CREB3L2: variants seen among roughly 807,000 people sequenced by gnomAD.
The protein encoded by CREB3L2 is cAMP responsive element binding protein 3 like 2, also known as cyclic AMP-responsive element-binding protein 3-like protein 2.
Under a neutral mutation model 57.2 loss-of-function variants are expected in CREB3L2, and 23 were observed. That is an observed-to-expected ratio of 0.40 (90% CI 0.29 to 0.57). The LOEUF (loss-of-function observed/expected upper bound fraction) is 0.57. CREB3L2 is among the 20% of genes least tolerant of loss of function. CREB3L2 has a pLI of 0.42. For synonymous variants in CREB3L2, 268 were observed against 265.1 expected, an observed-to-expected ratio of 1.01 and a Z score of -0.11; for missense variants, 628 against 634.7, an observed-to-expected ratio of 0.99 and a Z score of 0.11.
chr7:137,932,933 C>T (rs1389153754), intron 1 of CREB3L2, among the ~76,000 whole-genome samples: 1 of 152,238 alleles, frequency 6.6e-6, no homozygotes, highest in Admixed American at 6.5e-5. Context: ...GCTTCTGACT[C>T]ACAGGTCTAA....
intron 1 of CREB3L2, among the ~76,000 whole-genome samples, chr7:137,934,152 A>T (rs372573010): frequency 7.2e-5 from 11 of 152,176 alleles, no homozygotes; most frequent in African/African-American, 2.7e-4. Context: ...CTCACTCAAT[A>T]CTCACGACAA....
At chr7:137,927,457 G>A (rs1800498962) in intron 2 of CREB3L2, among the ~76,000 whole-genome samples, 1 of 150,436 alleles carries the variant, frequency 6.6e-6, no homozygotes, top group South Asian at 2.1e-4. Context: ...GGAAGGGAGA[G>A]AGAAAAAGAA....
At chr7:137,892,940 A>C (rs1026508132) in intron 8 of CREB3L2, among the ~76,000 whole-genome samples, 1 of 152,194 alleles carries the variant, frequency 6.6e-6, no homozygotes, top group Non-Finnish European at 1.5e-5. Flanking sequence ...TCTCAAAGAC[A>C]TTTAAATACT....
chr7:137,987,270 TAC>T (rs1801808305), intron 1 of CREB3L2, among the ~76,000 whole-genome samples: 1 of 152,216 alleles, frequency 6.6e-6, no homozygotes, highest in Non-Finnish European at 1.5e-5. Flanking sequence ...GGATAACATC[TAC>T]TGCCTAAGTC....
At chr7:137,968,159 C>T (rs555646309) in intron 1 of CREB3L2, among the ~76,000 whole-genome samples, 1 of 151,956 alleles carries the variant, frequency 6.6e-6, no homozygotes, top group Non-Finnish European at 1.5e-5. Context: ...CACCCCATCC[C>T]TTCCTTGTCC....
intron 1 of CREB3L2, among the ~76,000 whole-genome samples, chr7:137,964,304 G>A (rs184185533): frequency 1.2e-4 from 18 of 152,286 alleles, no homozygotes; most frequent in Non-Finnish European, 8.8e-5. Context: ...GGACACGAGC[G>A]AGACTTCCTC....
intron 2 of CREB3L2, among the ~76,000 whole-genome samples, chr7:137,926,437 T>G (rs1483813988): frequency 6.6e-6 from 1 of 152,190 alleles, no homozygotes; most frequent in Non-Finnish European, 1.5e-5. Context: ...TGCAGGGGCA[T>G]GGATGACGCT....
chr7:137,899,786 A>G (rs1799714809), intron 8 of CREB3L2, among the ~76,000 whole-genome samples: 2 of 152,308 alleles, frequency 1.3e-5, no homozygotes, highest in South Asian at 4.1e-4. Context: ...TTTCAGGGGG[A>G]TCCCACTGGC....
intron 1 of CREB3L2, among the ~76,000 whole-genome samples, chr7:137,992,561 A>C (rs1231723318): frequency 6.6e-6 from 1 of 152,254 alleles, no homozygotes; most frequent in Non-Finnish European, 1.5e-5. Context: ...AGCAGGCTTG[A>C]GTCAAACTCC....
intron 10 of CREB3L2, among the ~76,000 whole-genome samples, chr7:137,883,902 C>A (rs191155717): frequency 6.6e-6 from 1 of 152,312 alleles, no homozygotes. Context: ...CCTTACTCAC[C>A]ATCCCTTTAT....
intron 1 of CREB3L2, among the ~76,000 whole-genome samples, chr7:137,941,123 A>T (rs1003739766): frequency 6.6e-6 from 1 of 152,182 alleles, no homozygotes; most frequent in African/African-American, 2.4e-5. Context: ...TATGCACCGG[A>T]CTCATGGGAC....
chr7:137,977,104 G>A (rs910452838), intron 1 of CREB3L2, among the ~76,000 whole-genome samples: 18 of 152,102 alleles, frequency 1.2e-4, no homozygotes, highest in South Asian at 4.1e-4. Flanking sequence ...ACTTAAACAC[G>A]GCCCCTGCCC....
At chr7:137,887,595 G>C (rs1799447219) in intron 8 of CREB3L2, among the ~76,000 whole-genome samples, 1 of 152,092 alleles carries the variant, frequency 6.6e-6, no homozygotes, top group African/African-American at 2.4e-5. Context: ...TGTAATCCCA[G>C]TTACTCGGGA....
At chr7:137,942,099 C>A (rs1238322296) in intron 1 of CREB3L2, among the ~76,000 whole-genome samples, 2 of 152,190 alleles carry the variant, frequency 1.3e-5, no homozygotes, top group Non-Finnish European at 2.9e-5. Context: ...CCTGCAATTT[C>A]TCCACAGTTC....
At chr7:137,881,053 G>A (rs7788967) in intron 11 of CREB3L2, among the ~76,000 whole-genome samples, 11,510 of 152,180 alleles carry the variant, frequency 0.076, 1,136 homozygotes, top group African/African-American at 0.23. Flanking sequence ...TCAGAGGAGG[G>A]CTAGGAGGCT....
At position 137,876,494 on chromosome 7, in the gene CREB3L2, T is replaced by A. The variant is rs183038030; in HGVS notation, c.*3982A>T. The A allele has an allele frequency of 4.3e-6, 1 of 232,952 alleles. No individual in the cohort carries two copies. The highest frequency in any genetic ancestry group is 5.6e-5 in the Admixed American group (1 of 17,774). 14.4% of individuals were successfully genotyped at this position (232,952 alleles called of 1,614,324 possible). A position where few individuals can be genotyped will look rare whatever the true frequency, so the allele number is the denominator to read the frequency against. The stretch of plus-strand genomic sequence containing the variant: ...GGGCCTCAGGCAACACTCTTCCTTA[T>A]GAAACTGAAAAGTCTTAGGAGTAAC... On this transcript the variant is annotated 3_prime_UTR_variant, in exon 12 of 12. Transcript: ENST00000330387.
At chr7:137,990,350 C>A (rs552391598) in intron 1 of CREB3L2, among the ~76,000 whole-genome samples, 2 of 152,206 alleles carry the variant, frequency 1.3e-5, no homozygotes, top group African/African-American at 4.8e-5. Context: ...CTCTTCACCC[C>A]CTTCAGATTT....
chr7:137,989,432 G>GTTTTTT (rs33944427), intron 1 of CREB3L2, among the ~76,000 whole-genome samples: 10 of 106,018 alleles, frequency 9.4e-5, no homozygotes, highest in East Asian at 2.8e-4. Flanking sequence ...CTTTTCTCCA[G>GTTTTTT]TTTTTTTTTT....
intron 1 of CREB3L2, among the ~76,000 whole-genome samples, chr7:138,000,558 G>C (rs1363680436): frequency 2.6e-5 from 4 of 152,044 alleles, no homozygotes; most frequent in African/African-American, 9.7e-5. Flanking sequence ...AGAGTCAAAG[G>C]CCAAAGAGGT....
Sources: allele counts gnomAD v4.1 joint callset (sites outside exome capture counted in the v4.1 genomes callset), GRCh38; gene constraint gnomAD v4.1.1; transcripts MANE v1.5; gene names NCBI Gene and HGNC (gene_info 2026-07-23, HGNC 2026-07-21).